Variants in SLC39A14 observed in about 807,000 individuals in gnomAD.
SLC39A14 encodes solute carrier family 39 member 14, also known as metal cation symporter ZIP14.
In SLC39A14, 19 loss-of-function variants were observed where a neutral mutation model predicts 45.5. That is an observed-to-expected ratio of 0.42 (90% CI 0.29 to 0.61). The LOEUF (loss-of-function observed/expected upper bound fraction) is 0.61. Ranked by LOEUF, SLC39A14 falls within the 20% of genes least tolerant of loss-of-function variation. SLC39A14 has a pLI of 0.22. For synonymous variants in SLC39A14, 264 were observed against 251.3 expected, an observed-to-expected ratio of 1.05 and a Z score of -0.48; for missense variants, 447 against 616.5, an observed-to-expected ratio of 0.73 and a Z score of 2.91.
In SLC39A14 at chr8:22,414,647, G is replaced by A. The variant is rs977529162; in HGVS notation, c.628-133G>A. Reference sequence around the variant, plus strand: ...ACTAGATTTTTGCTGGAAAGAGGATGGGTAGACGGCAGAGTTACTCCATTA... The same window carrying A: ...ACTAGATTTTTGCTGGAAAGAGGATAGGTAGACGGCAGAGTTACTCCATTA... On this transcript the variant is annotated intron_variant, in intron 4 of 8. Coordinates refer to ENST00000381237, the MANE Select transcript of SLC39A14 (RefSeq NM_001128431.4). 4 of 894,774 alleles carry A rather than the reference G, an allele frequency of 4.5e-6. No individual in the cohort carries two copies. In the African/African-American group the frequency reaches 6.9e-5, roughly 15 times the overall value. 55.4% of individuals were successfully genotyped at this position (894,774 alleles called of 1,614,324 possible). A position where few individuals can be genotyped will look rare whatever the true frequency, so the allele number is the denominator to read the frequency against.
At chr8:22,403,824 A>G (rs1302899755) in intron 1 of SLC39A14, among the ~76,000 whole-genome samples, 1 of 151,984 alleles carries the variant, frequency 6.6e-6, no homozygotes, top group Admixed American at 6.5e-5. Context: ...AGGCTGAGGC[A>G]GGAGAATTGC....
chr8:22,421,365 A>T lies in SLC39A14; in HGVS notation c.*1667A>T. 1 of 985,790 alleles carries T rather than the reference A, an allele frequency of 1.0e-6. No homozygotes were observed. Among genetic ancestry groups the T allele is most frequent in the Non-Finnish European group, 1.2e-6 (1 of 829,926 alleles). The allele number at this position is 985,790 out of a possible 1,614,324, so 61.1% of individuals were successfully genotyped here. On this transcript the variant is annotated 3_prime_UTR_variant, in exon 9 of 9. Transcript: ENST00000381237. ...CTTGAAAAGAACGTGAGCAGGAAAA[A>T]CTGCTGGTGATACTTTTTTTAAGTT...
In SLC39A14 at chr8:22,376,885, A is replaced by G. The variant is rs768870345; in HGVS notation, c.-16+9477A>G. Among the ~76,000 whole-genome samples, 9 of 152,238 alleles carry G rather than the reference A, an allele frequency of 5.9e-5. No homozygotes were observed. In the Middle Eastern group the frequency reaches 0.01, roughly 173 times the overall value. On this transcript the variant is annotated intron_variant, in intron 1 of 8. Coordinates refer to ENST00000381237, the MANE Select transcript of SLC39A14 (RefSeq NM_001128431.4). ...AGAGTGAGACAATGTCTGGGGAAAA[A>G]AAAAATACTGAATGGATAAACTGAA...
chr8:22,413,354 C>T (rs1405556194), intron 4 of SLC39A14, among the ~76,000 whole-genome samples: 1 of 152,228 alleles, frequency 6.6e-6, no homozygotes, highest in Non-Finnish European at 1.5e-5. Flanking sequence ...ACGTTGGAAT[C>T]TGACCTGCAC....
At chr8:22,424,030 G>T (rs578056308), downstream of SLC39A14, among the ~76,000 whole-genome samples, 3 of 148,840 alleles carry the variant, frequency 2.0e-5, no homozygotes, top group East Asian at 6.2e-4. Context: ...AGCTAGCCTT[G>T]AACTCTTGGC....
intron 1 of SLC39A14, among the ~76,000 whole-genome samples, chr8:22,400,499 T>A (rs1224146672): frequency 6.6e-6 from 1 of 152,188 alleles, no homozygotes; most frequent in African/African-American, 2.4e-5. Context: ...ATAACCACTT[T>A]CTTTGTACAA....
chr8:22,432,118 TCCAGGAGTTCCAGAC>T (rs1163075665), intron 8 of SLC39A14, among the ~76,000 whole-genome samples: 1 of 152,052 alleles, frequency 6.6e-6, no homozygotes, highest in African/African-American at 2.4e-5. Context: ...ATCGCTTTAG[TCCAGGAGTTCCAGAC>T]CAGAGTGGGC....
At chr8:22,429,147 C>T (rs1366440716) in intron 8 of SLC39A14, among the ~76,000 whole-genome samples, 1 of 152,122 alleles carries the variant, frequency 6.6e-6, no homozygotes, top group Non-Finnish European at 1.5e-5. Flanking sequence ...TGGCGGGCAC[C>T]TGTGGTCCCA....
chr8:22,415,831 G>C lies in SLC39A14; in HGVS notation c.813G>C (p.Glu271Asp). The C allele has an allele frequency of 1.2e-6, 2 of 1,613,634 alleles. No individual in the cohort carries two copies. Among genetic ancestry groups the C allele is most frequent in the Non-Finnish European group, 1.7e-6 (2 of 1,179,888 alleles). ...ESLPSKKDQE[E>D]GVMEKLQNGD... is the part of the protein sequence containing the mutation. ...TTCCCTCCAAGAAGGACCAGGAGGA[G>C]GGGGTGATGGAGAAGCTGCAGAACG... Residue 271 changes from glutamate to aspartate, a missense_variant, in exon 6 of 9, where the codon GAG becomes GAC. Physicochemically the swap from Glu to Asp is conservative, Grantham distance 45. Around this residue, in one of 2 missense-constraint regions of SLC39A14, gnomAD observed 342 missense variants for 428.1 expected, o/e 0.80. Coordinates refer to ENST00000381237, the MANE Select transcript of SLC39A14 (RefSeq NM_001128431.4).
chr8:22,368,815 C>A (rs1023830590), intron 1 of SLC39A14, among the ~76,000 whole-genome samples: 1 of 152,114 alleles, frequency 6.6e-6, no homozygotes, highest in Non-Finnish European at 1.5e-5. Context: ...GGATTACAGG[C>A]GTGAGCCACC....
chr8:22,381,905 C>G (rs1226424286), intron 1 of SLC39A14, among the ~76,000 whole-genome samples: 1 of 152,134 alleles, frequency 6.6e-6, no homozygotes, highest in African/African-American at 2.4e-5. Flanking sequence ...CTTTGGGAGA[C>G]CGAGGCAGGT....
At chr8:22,423,716 C>T (rs1836329074), downstream of SLC39A14, among the ~76,000 whole-genome samples, 1 of 151,384 alleles carries the variant, frequency 6.6e-6, no homozygotes, top group African/African-American at 2.4e-5. Context: ...ATTAGCCTGC[C>T]TCGGCCTCCC....
chr8:22,381,590 A>G (rs1219252168), intron 1 of SLC39A14, among the ~76,000 whole-genome samples: 1 of 152,248 alleles, frequency 6.6e-6, no homozygotes, highest in East Asian at 1.9e-4. Context: ...TTTAAATGCA[A>G]GAAAACACGG....
rs1000126791 is a variant in SLC39A14 at position 22,421,996 on chromosome 8, G to A, written c.*2298G>A. The A allele has an allele frequency of 3.7e-5, 36 of 985,312 alleles. No individual in the cohort carries two copies. The highest frequency in any genetic ancestry group is 1.1e-4 in the East Asian group (1 of 8,830). The allele number at this position is 985,312 out of a possible 1,614,324, so 61.0% of individuals were successfully genotyped here. On this transcript the variant is annotated 3_prime_UTR_variant, in exon 9 of 9. Transcript: ENST00000381237. Reference sequence around the variant, plus strand: ...GTCGGAGCTTAGGAGGGGCGGAGACGCTCACATCGTCTGACTTGAGTCGCC... The same window carrying A: ...GTCGGAGCTTAGGAGGGGCGGAGACACTCACATCGTCTGACTTGAGTCGCC...
rs1277517993 is a variant in SLC39A14, at chr8:22,415,821, A to G, written c.803A>G (p.Asp268Gly). 4 of 1,613,574 alleles carry G rather than the reference A, an allele frequency of 2.5e-6. No homozygotes were observed. The highest frequency in any genetic ancestry group is 3.4e-6 in the Non-Finnish European group (4 of 1,179,886). Residue 268 changes from aspartate to glycine, a missense_variant, in exon 6 of 9, where the codon GAC becomes GGC. Around this residue, in one of 2 missense-constraint regions of SLC39A14, gnomAD observed 342 missense variants for 428.1 expected, o/e 0.80. Coordinates refer to ENST00000381237, the MANE Select transcript of SLC39A14 (RefSeq NM_001128431.4). ...TCTGAGTCGCTTCCCTCCAAGAAGGACCAGGAGGAGGGGGTGATGGAGAAG... is the reference window on the plus strand; with the variant it reads ...TCTGAGTCGCTTCCCTCCAAGAAGGGCCAGGAGGAGGGGGTGATGGAGAAG... ...YASESLPSKKDQEEGVMEKLQ... is the reference protein window; with the variant it reads ...YASESLPSKKGQEEGVMEKLQ...
At chr8:22,427,916 C>A (rs974073772) in intron 8 of SLC39A14, among the ~76,000 whole-genome samples, 1 of 152,176 alleles carries the variant, frequency 6.6e-6, no homozygotes, top group African/African-American at 2.4e-5. Flanking sequence ...CACCTGCAAT[C>A]CCAGTGCATT....
At chr8:22,379,088 C>T (rs543713274) in intron 1 of SLC39A14, among the ~76,000 whole-genome samples, 23 of 152,320 alleles carry the variant, frequency 1.5e-4, no homozygotes, top group African/African-American at 5.5e-4. Flanking sequence ...TCCTTGGCTT[C>T]TGGCTGCACC....
chr8:22,433,840 C>T (rs948212431), intron 8 of SLC39A14: 7 of 283,562 alleles, frequency 2.5e-5, no homozygotes, highest in African/African-American at 6.9e-5. Context: ...AGATTACAGG[C>T]GTGAGCCACT....
At chr8:22,386,816 T>G (rs1833819997) in intron 1 of SLC39A14, among the ~76,000 whole-genome samples, 1 of 152,220 alleles carries the variant, frequency 6.6e-6, no homozygotes, top group Non-Finnish European at 1.5e-5. Flanking sequence ...TGCAGTGTCT[T>G]CAGATTCAGA....
Sources: allele counts gnomAD v4.1 joint callset (sites outside exome capture counted in the v4.1 genomes callset), GRCh38; gene constraint gnomAD v4.1.1; regional missense constraint gnomAD v4.1.1; transcripts MANE v1.5; gene names NCBI Gene and HGNC (gene_info 2026-07-23, HGNC 2026-07-21).